FRMD4B: variants seen among roughly 807,000 people sequenced by gnomAD.
The protein encoded by FRMD4B is FERM domain containing 4B.
Under a neutral mutation model 141.5 loss-of-function variants are expected in FRMD4B, and 74 were observed. That is an observed-to-expected ratio of 0.52 (90% confidence interval 0.43 to 0.63). FRMD4B has a LOEUF of 0.63. Ranked by LOEUF, FRMD4B falls within the 30% of genes least tolerant of loss-of-function variation. The pLI, the probability that FRMD4B is intolerant of heterozygous loss-of-function variation, is 0.00. For synonymous variants in FRMD4B, 506 were observed against 467.9 expected (o/e 1.08, Z -1.05); for missense variants, 1,366 against 1,253.4 (o/e 1.09, Z -1.36).
At chr3:69,496,233 G>C (rs1294980909) in intron 1 of FRMD4B, among the ~76,000 whole-genome samples, 1 of 152,164 alleles carries the variant, frequency 6.6e-6, no homozygotes, top group African/African-American at 2.4e-5. Context: ...ATTTATGCAA[G>C]TTATTGTGAA....
chr3:69,263,063 G>A (rs1051797757), intron 5 of FRMD4B, among the ~76,000 whole-genome samples: 17 of 151,850 alleles, frequency 1.1e-4, no homozygotes, highest in African/African-American at 3.1e-4. Flanking sequence ...GTTCGAGACC[G>A]GCCTGACCAA....
intron 8 of FRMD4B, 96 bp downstream of exon 8, chr3:69,224,510 AT>A: frequency 2.8e-6 from 2 of 706,726 alleles, no homozygotes; most frequent in South Asian, 1.6e-5. Flanking sequence ...GCAATGTGAT[AT>A]TTTTCCCACT....
At chr3:69,472,534 G>C in intron 1 of FRMD4B, 1 of 266,074 alleles carries the variant, frequency 3.8e-6, no homozygotes, top group Non-Finnish European at 7.6e-6. Context: ...GATGCCCTTT[G>C]GATGTTTCCA....
At chr3:69,329,984 G>T (rs994450964) in intron 1 of FRMD4B, among the ~76,000 whole-genome samples, 1 of 152,070 alleles carries the variant, frequency 6.6e-6, no homozygotes, top group Non-Finnish European at 1.5e-5. Flanking sequence ...ATAGCTCACT[G>T]ATGAAGGTCT....
chr3:69,476,357 T>A (rs202062677), intron 1 of FRMD4B, among the ~76,000 whole-genome samples: 96,007 of 151,794 alleles, frequency 0.63, 31,578 homozygotes, highest in African/African-American at 0.82. Flanking sequence ...TAAGTCTTTA[T>A]TCCATCTTGA....
At chr3:69,484,555 C>T (rs1165386567) in intron 1 of FRMD4B, among the ~76,000 whole-genome samples, 2 of 152,156 alleles carry the variant, frequency 1.3e-5, no homozygotes, top group Non-Finnish European at 2.9e-5. Context: ...TGATTAGCTC[C>T]TATCTGTAGG....
chr3:69,212,129 G>T (rs2093087416), intron 11 of FRMD4B, among the ~76,000 whole-genome samples: 1 of 151,510 alleles, frequency 6.6e-6, no homozygotes, highest in Admixed American at 6.6e-5. Flanking sequence ...GAGGCCCGAG[G>T]CAGGTGGATT....
At chr3:69,402,439 A>G (rs1475774111) in intron 2 of FRMD4B, among the ~76,000 whole-genome samples, 1 of 152,192 alleles carries the variant, frequency 6.6e-6, no homozygotes, top group African/African-American at 2.4e-5. Flanking sequence ...TGACATATGA[A>G]ATAATATCTT....
chr3:69,265,389 T>C (rs2093556001), intron 5 of FRMD4B, among the ~76,000 whole-genome samples: 2 of 147,590 alleles, frequency 1.4e-5, no homozygotes, highest in African/African-American at 5.0e-5. Flanking sequence ...CAGGTATGGT[T>C]TGTGCAATGC....
At chr3:69,274,622 A>G (rs531224311) in intron 5 of FRMD4B, among the ~76,000 whole-genome samples, 10 of 152,198 alleles carry the variant, frequency 6.6e-5, no homozygotes, top group Non-Finnish European at 1.2e-4. Flanking sequence ...CAGTTCAAGC[A>G]ATTCTCGTGC....
intron 11 of FRMD4B, chr3:69,201,038 C>G (rs2092960949): frequency 3.6e-6 from 1 of 277,764 alleles, no homozygotes; most frequent in South Asian, 3.4e-5. Context: ...AGCAAAAACT[C>G]TACTTAAAAG....
chr3:69,298,293 C>G (rs1701098821), intron 4 of FRMD4B, among the ~76,000 whole-genome samples: 2 of 152,330 alleles, frequency 1.3e-5, no homozygotes, highest in Middle Eastern at 3.4e-3. Context: ...ATCCCCTGCT[C>G]TCTCCTCAAT....
intron 1 of FRMD4B, among the ~76,000 whole-genome samples, chr3:69,354,957 G>A (rs1703270124): frequency 6.6e-6 from 1 of 151,924 alleles, no homozygotes; most frequent in African/African-American, 2.4e-5. Flanking sequence ...TGGACGGGTT[G>A]GATGTTAGAA....
chr3:69,245,950 T>G (rs62254489), intron 7 of FRMD4B, among the ~76,000 whole-genome samples: 35,298 of 150,674 alleles, frequency 0.23, 4,376 homozygotes, highest in African/African-American at 0.32. Flanking sequence ...AGATTCTCCT[T>G]CCTCAGCCTC....
chr3:69,276,198 A>T (rs920756597), intron 5 of FRMD4B, among the ~76,000 whole-genome samples: 1 of 152,222 alleles, frequency 6.6e-6, no homozygotes, highest in East Asian at 1.9e-4. Context: ...GTTTTTATAG[A>T]TATCTTTTCC....
chr3:69,272,678 T>C (rs1189773002), intron 5 of FRMD4B, among the ~76,000 whole-genome samples: 1 of 152,222 alleles, frequency 6.6e-6, no homozygotes, highest in Non-Finnish European at 1.5e-5. Context: ...TTTTAGTTCT[T>C]GGTACGACTA....
intron 5 of FRMD4B, among the ~76,000 whole-genome samples, chr3:69,279,570 T>C (rs1047328259): frequency 2.6e-5 from 4 of 152,128 alleles, no homozygotes; most frequent in Non-Finnish European, 4.4e-5. Flanking sequence ...AGTGATCTTC[T>C]TGCCCCAGCC....
chr3:69,231,535 G>A (rs971907975), intron 7 of FRMD4B, among the ~76,000 whole-genome samples: 20 of 152,220 alleles, frequency 1.3e-4, no homozygotes, highest in Non-Finnish European at 2.1e-4. Context: ...TGATCTGCCC[G>A]CCTCCACCTC....
At chr3:69,248,361 C>T (rs776337671) in intron 7 of FRMD4B, among the ~76,000 whole-genome samples, 17 of 152,000 alleles carry the variant, frequency 1.1e-4, no homozygotes, top group Non-Finnish European at 2.1e-4. Context: ...CTACCAAAGC[C>T]GAATGGGAAG....
Sources: gnomAD v4.1 joint callset for allele counts (sites outside exome capture counted in the v4.1 genomes callset) on GRCh38, gnomAD v4.1.1 for gene constraint, MANE v1.5 for transcripts, NCBI Gene and HGNC (gene_info 2026-07-23, HGNC 2026-07-21) for gene names.